The following CMIP variants were observed in gnomAD, a reference collection of about 807,000 sequenced individuals.
CMIP encodes the protein c-Maf inducing protein.
In CMIP, 13 loss-of-function variants were observed where a neutral mutation model predicts 97.3. The ratio of observed to expected loss-of-function variants is 0.13; its 90% CI spans 0.09 to 0.21. CMIP has a LOEUF of 0.21. Ranked by LOEUF, CMIP falls within the 10% of genes least tolerant of loss-of-function variation. The pLI is 1.00. For missense variants in CMIP, 847 were observed against 1,024.9 expected (o/e 0.83, Z 2.37); for synonymous variants, 538 against 436.3 (o/e 1.23, Z -2.91).
chr16:81,663,192 G>A (rs576065149), intron 6 of CMIP, among the ~76,000 whole-genome samples: 204 of 151,772 alleles, frequency 1.3e-3, no homozygotes, highest in Non-Finnish European at 9.7e-4. Context: ...ACATGCCGAC[G>A]TTACAGCAGC....
chr16:81,507,854 G>C (rs1453902956), intron 1 of CMIP, among the ~76,000 whole-genome samples: 1 of 152,208 alleles, frequency 6.6e-6, no homozygotes, highest in Non-Finnish European at 1.5e-5. Context: ...AGGGCTGTGA[G>C]GGTAGCACTC....
At chr16:81,554,207 T>C (rs1175477753) in intron 1 of CMIP, among the ~76,000 whole-genome samples, 9 of 152,234 alleles carry the variant, frequency 5.9e-5, no homozygotes, top group Admixed American at 5.9e-4. Flanking sequence ...TACCTTTCCA[T>C]GAGAACTGAG....
chr16:81,637,824 T>C (rs1191054155), intron 3 of CMIP, among the ~76,000 whole-genome samples: 1 of 152,192 alleles, frequency 6.6e-6, no homozygotes, highest in Non-Finnish European at 1.5e-5. Context: ...TCATTTCTCA[T>C]GGTTCTAGAG....
At chr16:81,547,253 C>T (rs538524972) in intron 1 of CMIP, among the ~76,000 whole-genome samples, 21 of 152,270 alleles carry the variant, frequency 1.4e-4, no homozygotes, top group African/African-American at 4.3e-4. Flanking sequence ...GGGTTCAGCG[C>T]GGCTGGGTCG....
chr16:81,672,571 GTTTTA>G (rs1474732665), intron 9 of CMIP, among the ~76,000 whole-genome samples: 1 of 152,100 alleles, frequency 6.6e-6, no homozygotes. Flanking sequence ...GATTTGCATG[GTTTTA>G]TTTTATTTTT....
chr16:81,645,560 C>G (rs1311257379), intron 3 of CMIP: 1 of 1,536,090 alleles, frequency 6.5e-7, no homozygotes, highest in Non-Finnish European at 8.7e-7. Context: ...GTGCTTGCCT[C>G]TGCTGACAGT....
intron 1 of CMIP, among the ~76,000 whole-genome samples, chr16:81,579,622 TC>T (rs57960111): frequency 0.08 from 12,062 of 150,670 alleles, 1,043 homozygotes; most frequent in African/African-American, 0.22. Flanking sequence ...CCAGCCCTGC[TC>T]CCCCCTGAAG....
intron 1 of CMIP, among the ~76,000 whole-genome samples, chr16:81,471,634 C>T (rs1341791033): frequency 1.3e-5 from 2 of 152,208 alleles, no homozygotes; most frequent in Non-Finnish European, 2.9e-5. Context: ...GGATATGTGT[C>T]AAGATTCCCA....
chr16:81,497,947 A>G (rs900589585), intron 1 of CMIP, among the ~76,000 whole-genome samples: 1 of 151,788 alleles, frequency 6.6e-6, no homozygotes, highest in African/African-American at 2.4e-5. Flanking sequence ...GTGCCTGCCG[A>G]CTCTCCGGTG....
At chr16:81,564,889 A>C (rs1240605156) in intron 1 of CMIP, among the ~76,000 whole-genome samples, 3 of 152,060 alleles carry the variant, frequency 2.0e-5, no homozygotes, top group African/African-American at 7.2e-5. Context: ...ACATGCGGGG[A>C]AGAAGGCATC....
At chr16:81,555,554 G>A (rs1362536577) in intron 1 of CMIP, among the ~76,000 whole-genome samples, 6 of 152,282 alleles carry the variant, frequency 3.9e-5, no homozygotes, top group South Asian at 2.1e-4. Flanking sequence ...TACACTGTCC[G>A]CTCCCTGTCC....
chr16:81,513,802 A>G (rs1207161439), intron 1 of CMIP, among the ~76,000 whole-genome samples: 1 of 152,248 alleles, frequency 6.6e-6, no homozygotes, highest in Non-Finnish European at 1.5e-5. Flanking sequence ...TGAATATTTA[A>G]GATTCCAGCT....
intron 7 of CMIP, among the ~76,000 whole-genome samples, chr16:81,667,524 G>A (rs951879213): frequency 1.3e-5 from 2 of 152,100 alleles, no homozygotes; most frequent in African/African-American, 4.8e-5. Context: ...CCATGGAAAT[G>A]ACCTTGATTA....
At chr16:81,660,996 T>A in intron 6 of CMIP, 50 bp downstream of exon 6, 1 of 1,608,980 alleles carries the variant, frequency 6.2e-7, no homozygotes. Flanking sequence ...AACCTCCCTC[T>A]GTGCGCATAC....
intron 1 of CMIP, among the ~76,000 whole-genome samples, chr16:81,589,051 G>A (rs1756503160): frequency 6.6e-6 from 1 of 151,958 alleles, no homozygotes; most frequent in African/African-American, 2.4e-5. Context: ...ATATTCCGGT[G>A]CTCAGAATAT....
At chr16:81,579,157 CT>C (rs772963421) in intron 1 of CMIP, among the ~76,000 whole-genome samples, 1 of 152,184 alleles carries the variant, frequency 6.6e-6, no homozygotes, top group Non-Finnish European at 1.5e-5. Context: ...TGGCACCCCC[CT>C]GCCTCCTAGG....
At chr16:81,470,844 A>G (rs1410085628) in intron 1 of CMIP, among the ~76,000 whole-genome samples, 1 of 152,280 alleles carries the variant, frequency 6.6e-6, no homozygotes, top group African/African-American at 2.4e-5. Context: ...TCCTCATGTG[A>G]TCTCTTCGCT....
chr16:81,545,991 G>A (rs1008374960), intron 1 of CMIP, among the ~76,000 whole-genome samples: 3 of 152,202 alleles, frequency 2.0e-5, no homozygotes, highest in African/African-American at 7.2e-5. Flanking sequence ...GAAGGAAGTG[G>A]GACGGGGCGG....
chr16:81,506,420 A>G (rs991414180), intron 1 of CMIP, among the ~76,000 whole-genome samples: 2 of 152,208 alleles, frequency 1.3e-5, no homozygotes, highest in East Asian at 1.9e-4. Flanking sequence ...CAGCCATTTC[A>G]TTACACAGGA....
Sources: gnomAD v4.1 joint callset for allele counts (sites outside exome capture counted in the v4.1 genomes callset) on GRCh38, gnomAD v4.1.1 for gene constraint, MANE v1.5 for transcripts, NCBI Gene and HGNC (gene_info 2026-07-23, HGNC 2026-07-21) for gene names.